The following GAS2L3 variants were observed in gnomAD, a reference collection of about 807,000 sequenced individuals.
The protein encoded by GAS2L3 is growth arrest specific 2 like 3, also known as GAS2-like protein 3.
In GAS2L3, 28 loss-of-function variants were observed where a neutral mutation model predicts 37.0. The ratio of observed to expected loss-of-function variants is 0.76; its 90% CI spans 0.56 to 1.04. GAS2L3 has a LOEUF of 1.04. Ranked by LOEUF, GAS2L3 falls within the 50% of genes least tolerant of loss-of-function variation. GAS2L3 has a pLI of 0.00. For missense variants in GAS2L3, 793 were observed against 817.6 expected (o/e 0.97, Z 0.37); for synonymous variants, 290 against 296.6 (o/e 0.98, Z 0.23).
intron 7 of GAS2L3, 32 bp downstream of exon 7, chr12:100,617,839 T>A: frequency 1.6e-6 from 2 of 1,287,336 alleles, no homozygotes; most frequent in Non-Finnish European, 2.2e-6. Context: ...AGAATTTCAA[T>A]GTTATAAACA....
At chr12:100,590,816 T>A (rs964048949) in intron 1 of GAS2L3, among the ~76,000 whole-genome samples, 1 of 152,064 alleles carries the variant, frequency 6.6e-6, no homozygotes, top group Non-Finnish European at 1.5e-5. Flanking sequence ...TTATTCTAAG[T>A]GAAGTAACTC....
At chr12:100,592,694 T>C (rs946835223) in intron 2 of GAS2L3, among the ~76,000 whole-genome samples, 2 of 152,130 alleles carry the variant, frequency 1.3e-5, no homozygotes, top group Admixed American at 6.6e-5. Flanking sequence ...TTAAGTATAG[T>C]ATTCCTAACT....
intron 1 of GAS2L3, among the ~76,000 whole-genome samples, chr12:100,589,909 A>G (rs1369961632): frequency 1.3e-5 from 2 of 152,190 alleles, no homozygotes; most frequent in South Asian, 2.1e-4. Flanking sequence ...ACAAAAATCA[A>G]CTCAAGATGG....
intron 3 of GAS2L3, among the ~76,000 whole-genome samples, chr12:100,596,473 A>G (rs1026229215): frequency 6.6e-6 from 1 of 151,818 alleles, no homozygotes; most frequent in African/African-American, 2.4e-5. Context: ...ATCTGTCTTT[A>G]CTGATTTTTT....
intron 5 of GAS2L3, among the ~76,000 whole-genome samples, chr12:100,607,102 G>T (rs554325695): frequency 6.6e-6 from 1 of 152,256 alleles, no homozygotes; most frequent in African/African-American, 2.4e-5. Context: ...AGCATTTCTT[G>T]TAGGATGGTC....
intron 5 of GAS2L3, among the ~76,000 whole-genome samples, chr12:100,608,606 C>T (rs540072241): frequency 6.6e-6 from 1 of 152,272 alleles, no homozygotes; most frequent in Non-Finnish European, 1.5e-5. Context: ...ACTGCAAGCT[C>T]TGCCTCCCGG....
intron 3 of GAS2L3, among the ~76,000 whole-genome samples, chr12:100,597,168 G>A (rs527725671): frequency 6.6e-6 from 1 of 151,748 alleles, no homozygotes; most frequent in Admixed American, 6.6e-5. Context: ...CTTAATTTAT[G>A]CCCTTCTTTC....
rs879099640 is a variant in GAS2L3 at position 100,579,557 on chromosome 12, A to G, written c.-152+5772A>G. 12 of 773,976 alleles carry G rather than the reference A, an allele frequency of 1.6e-5. No individual in the cohort carries two copies. The South Asian group carries it at 1.6e-4, about 10-fold the overall frequency. The allele number at this position is 773,976 out of a possible 1,614,324, so 47.9% of individuals were successfully genotyped here. ...AGGGACCAAAGAGAATCATTTTGCA[A>G]GAAGTTCCGGAAAGATACCAGTTGC... On this transcript the variant is annotated intron_variant, in intron 1 of 9. Coordinates refer to ENST00000547754, the MANE Select transcript of GAS2L3 (RefSeq NM_174942.3).
chr12:100,614,566 C>T (rs1390846291), intron 6 of GAS2L3, among the ~76,000 whole-genome samples: 1 of 152,050 alleles, frequency 6.6e-6, no homozygotes, highest in African/African-American at 2.4e-5. Flanking sequence ...CTAAAATTCA[C>T]AATTTTAAAA....
chr12:100,597,205 CT>C (rs1259300684), intron 3 of GAS2L3, among the ~76,000 whole-genome samples: 1 of 151,902 alleles, frequency 6.6e-6, no homozygotes, highest in African/African-American at 2.4e-5. Context: ...ATCTGCTCTG[CT>C]TTTTTTCAGC....
rs536450189 is a variant in GAS2L3 at position 100,583,086 on chromosome 12, G to T, written c.-151-8650G>T. 2.6e-5 allele frequency among the ~76,000 whole-genome samples: 4 copies of T among 152,162 alleles called. No homozygotes were observed. The East Asian group carries it at 7.7e-4, about 29-fold the overall frequency. Reference sequence around the variant, plus strand: ...TGGATCTCATGCAAGAAAGAATTCGGGACAAGTCCATAGAGTAAAGCAAAA... The same window carrying T: ...TGGATCTCATGCAAGAAAGAATTCGTGACAAGTCCATAGAGTAAAGCAAAA... On this transcript the variant is annotated intron_variant, in intron 1 of 9. Coordinates refer to ENST00000547754, the MANE Select transcript of GAS2L3 (RefSeq NM_174942.3).
chr12:100,580,919 C>T (rs1327804553), intron 1 of GAS2L3, among the ~76,000 whole-genome samples: 19 of 152,270 alleles, frequency 1.2e-4, no homozygotes, highest in Non-Finnish European at 1.5e-5. Context: ...AATGCTCATG[C>T]CAGTTAATGC....
At chr12:100,575,476 ATTTTTTTTTT>A (rs58446699) in intron 1 of GAS2L3, among the ~76,000 whole-genome samples, 1 of 88,796 alleles carries the variant, frequency 1.1e-5, no homozygotes, top group East Asian at 3.8e-4. Context: ...TGTTATCTCT[ATTTTTTTTTT>A]TTTTTTTTTT....
At position 100,614,458 on chromosome 12, in the gene GAS2L3, T is replaced by TA. The variant is rs924945969; in HGVS notation, c.445+2330dup. ...AGACTGGGTGAAAGAGTGAGACTCATAAAAAAAAAAAAATTACTATCTTAA... is the reference window on the plus strand; with the variant it reads ...AGACTGGGTGAAAGAGTGAGACTCATAAAAAAAAAAAAAATTACTATCTTAA... On this transcript the variant is annotated intron_variant, in intron 6 of 9. Coordinates refer to ENST00000547754, the MANE Select transcript of GAS2L3 (RefSeq NM_174942.3). Among the ~76,000 whole-genome samples, 205 of 142,970 alleles carry TA rather than the reference T, an allele frequency of 1.4e-3. 1 individual carries two copies. Among genetic ancestry groups the TA allele is most frequent in the Non-Finnish European group, 2.1e-3 (135 of 64,976 alleles). 93.8% of individuals were successfully genotyped at this position (142,970 alleles called of 152,430 possible).
chr12:100,578,804 A>G (rs1017853079), intron 1 of GAS2L3: 1 of 633,426 alleles, frequency 1.6e-6, no homozygotes, highest in African/African-American at 1.8e-5. Context: ...GTCTCAGGTT[A>G]GCCCTGGAAG....
chr12:100,624,119 C>T lies in GAS2L3; in HGVS notation c.1314C>T (p.Ser438=), dbSNP rs1196397099. ...AGTCACCGAGAAAATGTATTTCATC[C>T]CCCAATACCCCCAAGGCCAAGGTTA... ...ISESPRKCIS[S]PNTPKAKVIP... Residue 438 remains serine (S), a synonymous_variant, in exon 10 of 10, where the codon TCC becomes TCT. Transcript: ENST00000547754. 6.2e-7 allele frequency: 1 copy of T among 1,613,640 alleles called. No homozygotes were observed. Among genetic ancestry groups the T allele is most frequent in the Admixed American group, 1.7e-5 (1 of 59,944 alleles).
chr12:100,623,145 T>C (rs1956280129), intron 9 of GAS2L3, among the ~76,000 whole-genome samples: 1 of 152,208 alleles, frequency 6.6e-6, no homozygotes, highest in African/African-American at 2.4e-5. Flanking sequence ...TTTCTTTTAA[T>C]TAGCTTTCTG....
rs924376750 is a variant in GAS2L3, at chr12:100,625,058, A to G, written c.*168A>G. 9.0e-6 allele frequency: 5 copies of G among 557,124 alleles called. No individual in the cohort carries two copies. Among genetic ancestry groups the G allele is most frequent in the Non-Finnish European group, 1.6e-5 (5 of 322,032 alleles). 34.5% of individuals were successfully genotyped at this position (557,124 alleles called of 1,614,324 possible). On this transcript the variant is annotated 3_prime_UTR_variant, in exon 10 of 10. Coordinates refer to ENST00000547754, the MANE Select transcript of GAS2L3 (RefSeq NM_174942.3). Reference sequence around the variant, plus strand: ...CATCAGAATTCACATATCTGAATTCACTGGAAAGAGCCCTTCTGAAGCAAA... The same window carrying G: ...CATCAGAATTCACATATCTGAATTCGCTGGAAAGAGCCCTTCTGAAGCAAA...
intron 5 of GAS2L3, among the ~76,000 whole-genome samples, chr12:100,609,124 G>A (rs1956095354): frequency 6.6e-6 from 1 of 152,268 alleles, no homozygotes; most frequent in African/African-American, 2.4e-5. Flanking sequence ...TGAAGCTGGG[G>A]ACCCCTCAGA....
Sources: gnomAD v4.1 joint callset for allele counts (sites outside exome capture counted in the v4.1 genomes callset) on GRCh38, gnomAD v4.1.1 for gene constraint, MANE v1.5 for transcripts, NCBI Gene and HGNC (gene_info 2026-07-23, HGNC 2026-07-21) for gene names.